The following RNGTT variants were observed in gnomAD, a reference collection of about 807,000 sequenced individuals.
RNGTT encodes the protein mRNA-capping enzyme.
In RNGTT, 33 loss-of-function variants were observed where a neutral mutation model predicts 79.3. That is an observed-to-expected ratio of 0.42 (90% CI 0.32 to 0.56). The LOEUF (loss-of-function observed/expected upper bound fraction) is 0.56, where lower values mean the gene tolerates loss of function less well. Ranked by LOEUF, RNGTT falls within the 20% of genes least tolerant of loss-of-function variation. The pLI is 0.17. For missense variants in RNGTT, 497 were observed against 739.1 expected, an observed-to-expected ratio of 0.67 and a Z score of 3.80; for synonymous variants, 222 against 235.9, an observed-to-expected ratio of 0.94 and a Z score of 0.54.
At chr6:88,875,244 T>C (rs914645949) in intron 8 of RNGTT, among the ~76,000 whole-genome samples, 1 of 152,032 alleles carries the variant, frequency 6.6e-6, no homozygotes, top group Non-Finnish European at 1.5e-5. Flanking sequence ...GCCTATATCA[T>C]ATCCCATTAT....
At chr6:88,739,038 G>A (rs1175585804) in intron 13 of RNGTT, among the ~76,000 whole-genome samples, 1 of 151,884 alleles carries the variant, frequency 6.6e-6, no homozygotes, top group African/African-American at 2.4e-5. Flanking sequence ...ATTAATGTAT[G>A]TGATGCAATT....
chr6:88,755,730 AG>A (rs1417072879), intron 13 of RNGTT, among the ~76,000 whole-genome samples: 1 of 152,088 alleles, frequency 6.6e-6, no homozygotes, highest in East Asian at 1.9e-4. Context: ...TGGGAGGCCA[AG>A]GCAGGTGCAT....
chr6:88,930,044 A>ATGTATACATATACATGTATATGCATATG (rs777669810), intron 2 of RNGTT, among the ~76,000 whole-genome samples: 4 of 143,652 alleles, frequency 2.8e-5, no homozygotes, highest in Non-Finnish European at 4.5e-5. Flanking sequence ...ATATATGCAT[A>ATGTATACATATACATGTATATGCATATG]TATACATATA....
intron 13 of RNGTT, among the ~76,000 whole-genome samples, chr6:88,700,069 T>TAGTA (rs1454536415): frequency 6.6e-6 from 1 of 152,152 alleles, no homozygotes; most frequent in Non-Finnish European, 1.5e-5. Context: ...CAATGCTGAA[T>TAGTA]AGTAGGCTGT....
At chr6:88,823,638 C>T (rs1780565705) in intron 11 of RNGTT, among the ~76,000 whole-genome samples, 1 of 152,038 alleles carries the variant, frequency 6.6e-6, no homozygotes, top group Admixed American at 6.5e-5. Flanking sequence ...CTGAAATTCA[C>T]CCCAAAAAAT....
chr6:88,824,122 G>A (rs1780580134), intron 11 of RNGTT, among the ~76,000 whole-genome samples: 1 of 152,126 alleles, frequency 6.6e-6, no homozygotes, highest in Non-Finnish European at 1.5e-5. Flanking sequence ...TAAAAATACA[G>A]TTATGCATCA....
intron 13 of RNGTT, among the ~76,000 whole-genome samples, chr6:88,685,296 T>A: frequency 6.6e-6 from 1 of 152,208 alleles, no homozygotes; most frequent in African/African-American, 2.4e-5. Context: ...TGGACTTTAG[T>A]TAGTAATATA....
chr6:88,615,692 G>A (rs1772191701), intron 14 of RNGTT, among the ~76,000 whole-genome samples: 1 of 152,132 alleles, frequency 6.6e-6, no homozygotes. Context: ...AGGTCTAACA[G>A]AAATAAGTTT....
At chr6:88,764,756 T>C (rs1016611879) in intron 13 of RNGTT, among the ~76,000 whole-genome samples, 2 of 152,222 alleles carry the variant, frequency 1.3e-5, no homozygotes, top group Non-Finnish European at 2.9e-5. Flanking sequence ...TGGAGCATAT[T>C]TTCTCAGGAC....
At chr6:88,939,814 G>A (rs1234158847) in intron 2 of RNGTT, among the ~76,000 whole-genome samples, 1 of 151,150 alleles carries the variant, frequency 6.6e-6, no homozygotes, top group Non-Finnish European at 1.5e-5. Flanking sequence ...GCTGCAGTGG[G>A]TAATCATGGC....
At chr6:88,702,487 T>G (rs1046985429) in intron 13 of RNGTT, among the ~76,000 whole-genome samples, 2 of 152,184 alleles carry the variant, frequency 1.3e-5, no homozygotes, top group Non-Finnish European at 2.9e-5. Flanking sequence ...TATATTGTCC[T>G]GGGATAGCTG....
intron 8 of RNGTT, among the ~76,000 whole-genome samples, chr6:88,864,076 T>C (rs1455805747): frequency 6.6e-6 from 1 of 152,256 alleles, no homozygotes; most frequent in East Asian, 1.9e-4. Flanking sequence ...GTAGCTATAC[T>C]ACTACACCAG....
intron 13 of RNGTT, among the ~76,000 whole-genome samples, chr6:88,703,820 G>A (rs1490122564): frequency 6.6e-6 from 1 of 152,212 alleles, no homozygotes; most frequent in East Asian, 1.9e-4. Context: ...TTTAGCTAAT[G>A]TAGATTATTA....
chr6:88,807,904 A>C (rs1240094333), intron 11 of RNGTT, among the ~76,000 whole-genome samples: 1 of 152,202 alleles, frequency 6.6e-6, no homozygotes, highest in Non-Finnish European at 1.5e-5. Flanking sequence ...CCTCACCTTT[A>C]ACATACTAAT....
In RNGTT at chr6:88,829,721, A is replaced by AAAAAAAAAAAAAAAAC. The variant is rs1554221603; in HGVS notation, c.1269+14635_1269+14636insGTTTTTTTTTTTTTTT. On this transcript the variant is annotated intron_variant, in intron 11 of 15. Coordinates refer to ENST00000369485, the MANE Select transcript of RNGTT (RefSeq NM_003800.5). ...GAAAGCAAAAAAAAAAAAAAAAAAA[A>AAAAAAAAAAAAAAAAC]AAACCAGGGGTTGCAATCCTAGTCT... Among the ~76,000 whole-genome samples, 17 of 115,592 alleles carry AAAAAAAAAAAAAAAAC rather than the reference A, an allele frequency of 1.5e-4. 3 individuals are homozygous for AAAAAAAAAAAAAAAAC. Among genetic ancestry groups the AAAAAAAAAAAAAAAAC allele is most frequent in the East Asian group, 5.1e-4 (2 of 3,944 alleles). 75.8% of individuals were successfully genotyped at this position (115,592 alleles called of 152,430 possible). A position where few individuals can be genotyped will look rare whatever the true frequency, so the allele number is the denominator to read the frequency against.
intron 15 of RNGTT, 61 bp downstream of exon 15, chr6:88,614,211 G>A: frequency 2.0e-6 from 3 of 1,532,364 alleles, no homozygotes; most frequent in Non-Finnish European, 2.7e-6. Flanking sequence ...AGCACACTTT[G>A]GGTCTAACAC....
chr6:88,642,147 A>T (rs1157884061), intron 14 of RNGTT, among the ~76,000 whole-genome samples: 1 of 152,178 alleles, frequency 6.6e-6, no homozygotes, highest in African/African-American at 2.4e-5. Context: ...TTATGGATGT[A>T]TATAATAGGA....
chr6:88,698,260 A>AATATATATATGATATATATTC (rs1229457522), intron 13 of RNGTT, among the ~76,000 whole-genome samples: 1 of 95,428 alleles, frequency 1.0e-5, no homozygotes, highest in African/African-American at 9.2e-5. Context: ...TATATATATA[A>AATATATATATGATATATATTC]ATATATATGA....
At chr6:88,886,873 T>C (rs1782877318) in intron 8 of RNGTT, among the ~76,000 whole-genome samples, 1 of 152,046 alleles carries the variant, frequency 6.6e-6, no homozygotes, top group Non-Finnish European at 1.5e-5. Flanking sequence ...TTCAGAAATA[T>C]TCCCTATTCT....
Sources: allele counts gnomAD v4.1 joint callset (sites outside exome capture counted in the v4.1 genomes callset), GRCh38; gene constraint gnomAD v4.1.1; transcripts MANE v1.5; gene names NCBI Gene and HGNC (gene_info 2026-07-23, HGNC 2026-07-21).